PLEKHG5: variants seen among roughly 807,000 people sequenced by gnomAD.
PLEKHG5 encodes the protein pleckstrin homology and RhoGEF domain containing G5.
In PLEKHG5, 52 loss-of-function variants were observed where a neutral mutation model predicts 103.8. The ratio of observed to expected loss-of-function variants is 0.50; its 90% CI spans 0.40 to 0.63. The LOEUF is 0.63. Ranked by LOEUF, PLEKHG5 falls within the 30% of genes least tolerant of loss-of-function variation. The probability of loss-of-function intolerance (pLI) is 0.00; values close to 1 mark genes in which losing one functional copy is unlikely to be tolerated. For synonymous variants in PLEKHG5, 592 were observed against 575.5 expected, an observed-to-expected ratio of 1.03 and a Z score of -0.41; for missense variants, 1,205 against 1,347.6, an observed-to-expected ratio of 0.89 and a Z score of 1.66.
chr1:6,514,680 G>C (rs1317432004), intron 1 of PLEKHG5, among the ~76,000 whole-genome samples: 5 of 151,454 alleles, frequency 3.3e-5, no homozygotes, highest in African/African-American at 1.2e-4. Flanking sequence ...AGAATTGCTT[G>C]AACCCGGGAG....
Position 6,475,493 on chromosome 1 carries a change from G to A in PLEKHG5, c.179C>T (p.Ser60Phe). The A allele has an allele frequency of 5.0e-6, 8 of 1,613,556 alleles. No homozygotes were observed. The highest frequency in any genetic ancestry group is 6.8e-6 in the Non-Finnish European group (8 of 1,179,924). ...GDRKSTGLKL[S>F]KKKARRRHTD... ...GTGTCTCCTCCTTGCTTTCTTCTTG[G>A]AGAGTTTCAGGCCTGTGCTCTTCCG... The change falls in exon 4 of 21, where the codon TCC becomes TTC. Residue 60 changes from serine (S) to phenylalanine (F), a missense_variant. By Grantham distance (155) the Ser-to-Phe change is radical (BLOSUM62 -2). Coordinates refer to ENST00000377728, the MANE Select transcript of PLEKHG5 (RefSeq NM_020631.6).
Position 6,473,262 on chromosome 1 carries a change from C to G in PLEKHG5, c.784G>C (p.Ala262Pro), listed in dbSNP as rs550362834. Residue 262 changes from alanine to proline, a missense_variant, in exon 8 of 21, where the codon GCC (alanine) becomes CCC (proline). Transcript: ENST00000377728. Reference protein sequence around the residue: ...GFFSSGPSTSAFGREVDKMEQ... With the variant: ...GFFSSGPSTSPFGREVDKMEQ... ...ATGGGGCCACATACCCGGCCAAAGG[C>G]GCTGGTGCTGGGGCCGGAGCTGAAA... is the stretch of plus-strand genomic sequence containing the variant. The G allele has an allele frequency of 4.3e-6, 7 of 1,609,828 alleles. No individual in the cohort carries two copies. Among genetic ancestry groups the G allele is most frequent in the African/African-American group, 1.3e-5 (1 of 74,856 alleles).
intron 1 of PLEKHG5, among the ~76,000 whole-genome samples, chr1:6,516,805 T>TA (rs1263569874): frequency 4.8e-5 from 7 of 146,574 alleles, no homozygotes; most frequent in Admixed American, 6.9e-5. Context: ...TGTGTATATA[T>TA]ATGTGTGTAT....
chr1:6,470,111 A>AGG (rs1644521583), intron 16 of PLEKHG5, 125 bp downstream of exon 16: 1 of 1,075,302 alleles, frequency 9.3e-7, no homozygotes, highest in Non-Finnish European at 1.4e-6. Flanking sequence ...ACTGTCATTC[A>AGG]CTATGACAAG....
intron 1 of PLEKHG5, among the ~76,000 whole-genome samples, chr1:6,516,807 T>TA (rs398102411): frequency 6.9e-6 from 1 of 145,842 alleles, no homozygotes; most frequent in Non-Finnish European, 1.5e-5. Context: ...TGTATATATA[T>TA]GTGTGTATAT....
At position 6,490,020 on chromosome 1, in the gene PLEKHG5, T is replaced by G. The variant is rs1253800281; in HGVS notation, c.-88+1617A>C. Among the ~76,000 whole-genome samples, 1 of 152,178 alleles carries G rather than the reference T, an allele frequency of 6.6e-6. No individual in the cohort carries two copies. Among genetic ancestry groups the G allele is most frequent in the African/African-American group, 2.4e-5 (1 of 41,442 alleles). On this transcript the variant is annotated intron_variant, in intron 1 of 20. Coordinates refer to ENST00000377728, the MANE Select transcript of PLEKHG5 (RefSeq NM_020631.6). This position sits in a 1 kb window ranked among gnomAD's most constrained non-coding sequence, Gnocchi z 8.0. ...AGTGGGTGCCTGGGTCTGCTCAGAC[T>G]GCCCGAGGCGCAGCCTCTGGCGCCC...
rs745328957 is a variant in PLEKHG5, at chr1:6,471,501, T to C, written c.1268A>G (p.Lys423Arg). 1 of 1,610,538 alleles carries C rather than the reference T, an allele frequency of 6.2e-7. No homozygotes were observed. The highest frequency in any genetic ancestry group is 1.3e-5 in the African/African-American group (1 of 74,858). Residue 423 changes from lysine (K) to arginine (R), a missense_variant, in exon 12 of 21, where the codon AAA (lysine) becomes AGA (arginine). Transcript: ENST00000377728. ...CCCCGCCCGTACCATCTTGAAGCCTTTGAGGAAGTCCCCGGGCTGTAGCAG... is the reference window on the plus strand; with the variant it reads ...CCCCGCCCGTACCATCTTGAAGCCTCTGAGGAAGTCCCCGGGCTGTAGCAG... ...RALLQPGDFLKGFKMFGSLFK... is the reference protein window; with the variant it reads ...RALLQPGDFLRGFKMFGSLFK...
At chr1:6,516,862 ATG>A (rs372208282) in intron 1 of PLEKHG5, among the ~76,000 whole-genome samples, 4 of 24,296 alleles carry the variant, frequency 1.6e-4, no homozygotes, top group African/African-American at 2.1e-4. Context: ...GTGTGTATAT[ATG>A]TGTATATATA....
exon 1 of PLEKHG5, chr1:6,519,657 A>C: frequency 1.4e-6 from 1 of 708,712 alleles, no homozygotes. Flanking sequence ...ACTCAGCCCC[A>C]GTCTTAATTT....
At chr1:6,474,236 C>T in intron 6 of PLEKHG5, 72 bp from the exon 7 acceptor site, 1 of 1,556,296 alleles carries the variant, frequency 6.4e-7, no homozygotes, top group South Asian at 1.1e-5. Flanking sequence ...GTCCTCTCTC[C>T]CCGGAGGATC....
At chr1:6,500,225 A>C (rs3007433), upstream of PLEKHG5, among the ~76,000 whole-genome samples, 150,898 of 152,290 alleles carry the variant, frequency 0.99, 74,762 homozygotes, top group Middle Eastern at 1. Flanking sequence ...GGCCCTGGAG[A>C]CTTGAGTCCA....
At chr1:6,481,566 T>TAA (rs1557755167) in intron 1 of PLEKHG5, among the ~76,000 whole-genome samples, 31 of 125,298 alleles carry the variant, frequency 2.5e-4, no homozygotes, top group East Asian at 1.4e-3. Flanking sequence ...TAAATAAATA[T>TAA]ATAAGTAAAT....
chr1:6,503,222 C>T (rs1425895119), intron 1 of PLEKHG5, among the ~76,000 whole-genome samples: 4 of 152,090 alleles, frequency 2.6e-5, no homozygotes, highest in Admixed American at 6.5e-5. Flanking sequence ...TCAAGACCAG[C>T]CTGGGCAACA....
rs113278522 is a variant in PLEKHG5 at position 6,467,449 on chromosome 1, A to G, written c.*114T>C. On this transcript the variant is annotated 3_prime_UTR_variant, in exon 21 of 21. Transcript: ENST00000377728. ...CCGGGCGTAGGCAGGGATCCTGCCC[A>G]GCATCCGGCTCATGCATACAGGAGG... 6.4e-4 allele frequency: 686 copies of G among 1,078,462 alleles called. 5 individuals are homozygous for G. The African/African-American group carries it at 7.6e-3, about 12-fold the overall frequency. 66.8% of individuals were successfully genotyped at this position (1,078,462 alleles called of 1,614,324 possible).
upstream of PLEKHG5, among the ~76,000 whole-genome samples, chr1:6,494,852 G>A (rs1375495965): frequency 6.6e-6 from 1 of 152,240 alleles, no homozygotes; most frequent in Non-Finnish European, 1.5e-5. Flanking sequence ...CTCTCCCCGT[G>A]CACGCTGGGT....
At chr1:6,499,126 T>G (rs530061490), upstream of PLEKHG5, among the ~76,000 whole-genome samples, 1 of 152,268 alleles carries the variant, frequency 6.6e-6, no homozygotes, top group South Asian at 2.1e-4. Context: ...GGCCCCTGCG[T>G]TCTCAAAACT....
chr1:6,497,016 G>A (rs1029361773), upstream of PLEKHG5: 20 of 1,525,078 alleles, frequency 1.3e-5, no homozygotes, highest in African/African-American at 2.2e-4. This position sits in a 1 kb window ranked among gnomAD's most constrained non-coding sequence, Gnocchi z 6.1. Context: ...GGCGACCCCC[G>A]TTCCCCAAGA....
chr1:6,475,267 A>C (rs1333138742), intron 4 of PLEKHG5, 129 bp from the exon 5 acceptor site: 10 of 480,262 alleles, frequency 2.1e-5, no homozygotes, highest in Admixed American at 5.6e-5. Context: ...CCTCCTTCCC[A>C]ACCCTCCTCC....
Position 6,468,152 on chromosome 1 carries a change from G to A in PLEKHG5, c.2684C>T (p.Pro895Leu), listed in dbSNP as rs1334141631. Reference protein sequence around the residue: ...LLAGAGTHGTPSAPSRSLSEL... With the variant: ...LLAGAGTHGTLSAPSRSLSEL... ...TGACAGGCTGCGGCTGGGGGCAGAG[G>A]GTGTCCCATGGGTGCCAGCCCCTGC... is the stretch of plus-strand genomic sequence containing the variant. The change falls in exon 20 of 21, where the codon CCC becomes CTC. Residue 895 changes from proline to leucine, a missense_variant. Pro to Leu is a moderately conservative substitution (Grantham distance 98). Coordinates refer to ENST00000377728, the MANE Select transcript of PLEKHG5 (RefSeq NM_020631.6). The A allele has an allele frequency of 6.4e-7, 1 of 1,570,588 alleles. No homozygotes were observed. The highest frequency in any genetic ancestry group is 1.2e-5 in the South Asian group (1 of 84,134).
Sources: allele counts gnomAD v4.1 joint callset (sites outside exome capture counted in the v4.1 genomes callset), GRCh38; gene constraint gnomAD v4.1.1; non-coding constraint Gnocchi (gnomAD v3.1); transcripts MANE v1.5; gene names NCBI Gene and HGNC (gene_info 2026-07-23, HGNC 2026-07-21).